The following TRPM3 variants were observed in gnomAD, a reference collection of about 807,000 sequenced individuals.
TRPM3 encodes transient receptor potential cation channel subfamily M member 3, also known as long transient receptor potential channel 3.
TRPM3 carries 77 observed loss-of-function variants against 181.2 expected under a neutral mutation model. That is an observed-to-expected ratio of 0.42 (90% confidence interval 0.35 to 0.51). The LOEUF (loss-of-function observed/expected upper bound fraction) is 0.51, where lower values mean the gene tolerates loss of function less well. Among genes scored for constraint, TRPM3 ranks in the 20% least tolerant of loss-of-function variants. TRPM3 has a pLI of 0.01. For synonymous variants in TRPM3, 745 were observed against 796.4 expected, an observed-to-expected ratio of 0.94 and a Z score of 1.09; for missense variants, 1,759 against 2,196.7, an observed-to-expected ratio of 0.80 and a Z score of 3.98.
intron 25 of TRPM3, among the ~76,000 whole-genome samples, chr9:70,538,430 CT>C (rs2042359871): frequency 1.3e-5 from 2 of 151,000 alleles, no homozygotes; most frequent in African/African-American, 4.9e-5. Flanking sequence ...CATGCCCTGC[CT>C]TTTGTTAGTT....
chr9:71,080,361 C>T (rs1180189421), intron 1 of TRPM3, among the ~76,000 whole-genome samples: 5 of 151,944 alleles, frequency 3.3e-5, no homozygotes, highest in Non-Finnish European at 7.4e-5. Context: ...GCTCCCCAAC[C>T]CCCAACCAAA....
chr9:70,815,603 C>T (rs1283822923), intron 6 of TRPM3, among the ~76,000 whole-genome samples: 1 of 152,098 alleles, frequency 6.6e-6, no homozygotes, highest in East Asian at 1.9e-4. Flanking sequence ...AGGTTGAGCA[C>T]TTGTATTTTC....
intron 17 of TRPM3, among the ~76,000 whole-genome samples, chr9:70,617,925 A>G (rs2063035801): frequency 6.6e-6 from 1 of 152,168 alleles, no homozygotes; most frequent in African/African-American, 2.4e-5. Flanking sequence ...AGATCACACC[A>G]CTGCACTCCA....
At chr9:71,402,561 CCAAA>C (rs3041746) in intron 1 of TRPM3, among the ~76,000 whole-genome samples, 25,909 of 151,992 alleles carry the variant, frequency 0.17, 2,308 homozygotes, top group African/African-American at 0.22. Context: ...CATCCCATTC[CCAAA>C]CACTTTCTTT....
rs191904565 is a variant in TRPM3 at position 70,970,970 on chromosome 9, C to T, written c.178-106459G>A. 5.3e-5 allele frequency among the ~76,000 whole-genome samples: 8 copies of T among 152,208 alleles called. No homozygotes were observed. In the South Asian group the frequency reaches 8.3e-4, roughly 16 times the overall value. On this transcript the variant is annotated intron_variant, in intron 1 of 25. Transcript: ENST00000677713. ...AAAATAGAAAATTTTTTGCCTAACT[C>T]GTCTGGCAACCAATCCAAGCCTAAA...
intron 3 of TRPM3, among the ~76,000 whole-genome samples, chr9:70,858,103 T>G (rs932107118): frequency 1.3e-5 from 2 of 152,182 alleles, no homozygotes; most frequent in African/African-American, 2.4e-5. Flanking sequence ...TGTCTCATAT[T>G]ATGTCCAGAC....
chr9:70,989,963 T>C (rs1000533496), intron 1 of TRPM3, among the ~76,000 whole-genome samples: 3 of 152,164 alleles, frequency 2.0e-5, no homozygotes, highest in African/African-American at 7.2e-5. Context: ...GGGCACCTTA[T>C]GTGTGTTAAT....
intron 9 of TRPM3, among the ~76,000 whole-genome samples, chr9:70,678,137 G>A (rs2064492352): frequency 6.6e-6 from 1 of 152,130 alleles, no homozygotes. Context: ...CACCGACCTT[G>A]TGGAGTGGTC....
intron 17 of TRPM3, among the ~76,000 whole-genome samples, 177 bp from the exon 18 acceptor site, chr9:70,616,252 A>G (rs2062761494): frequency 6.6e-6 from 1 of 152,020 alleles, no homozygotes; most frequent in Non-Finnish European, 1.5e-5. Flanking sequence ...TGAGTAACTA[A>G]CATATTAACA....
chr9:70,593,980 C>A (rs137969516), intron 21 of TRPM3, among the ~76,000 whole-genome samples: 3 of 147,286 alleles, frequency 2.0e-5, no homozygotes, highest in Non-Finnish European at 3.0e-5. Context: ...ATATACACTG[C>A]AGTGGTTAAA....
intron 21 of TRPM3, among the ~76,000 whole-genome samples, chr9:70,594,719 C>G (rs999187653): frequency 6.6e-6 from 1 of 152,152 alleles, no homozygotes; most frequent in Non-Finnish European, 1.5e-5. Context: ...AAAATAGACT[C>G]CTAATGATTG....
chr9:71,399,526 GTTT>G (rs1166936123), intron 1 of TRPM3, among the ~76,000 whole-genome samples: 3 of 62,722 alleles, frequency 4.8e-5, no homozygotes, highest in East Asian at 5.0e-4. Context: ...ATTTTCTTTT[GTTT>G]TTTTTTTTTT....
chr9:71,439,583 A>C (rs2131660989), intron 1 of TRPM3, among the ~76,000 whole-genome samples: 1 of 151,938 alleles, frequency 6.6e-6, no homozygotes, highest in East Asian at 1.9e-4. Flanking sequence ...GGCCAGCACT[A>C]CTCCCCTGCT....
chr9:71,143,268 C>T (rs555019196), intron 1 of TRPM3, among the ~76,000 whole-genome samples: 1 of 151,994 alleles, frequency 6.6e-6, no homozygotes, highest in African/African-American at 2.4e-5. Flanking sequence ...GTTTATTGTA[C>T]AGATTATTTC....
intron 1 of TRPM3, among the ~76,000 whole-genome samples, chr9:71,225,416 T>C (rs1258354105): frequency 6.6e-6 from 1 of 151,958 alleles, no homozygotes; most frequent in Non-Finnish European, 1.5e-5. Context: ...AATAAAGACT[T>C]TTCCAGACAA....
chr9:70,926,538 A>G (rs948586162), intron 1 of TRPM3, among the ~76,000 whole-genome samples: 1 of 152,194 alleles, frequency 6.6e-6, no homozygotes, highest in African/African-American at 2.4e-5. Context: ...ACTACTTTAG[A>G]TCTTAAAACA....
At chr9:70,621,101 G>GTA (rs370008022) in intron 15 of TRPM3, 143 bp downstream of exon 15, 138 of 207,434 alleles carry the variant, frequency 6.7e-4, no homozygotes, top group Middle Eastern at 4.5e-3. Flanking sequence ...TATATTTATA[G>GTA]TATATATATA....
intron 22 of TRPM3, among the ~76,000 whole-genome samples, chr9:70,572,114 TTG>T (rs58492210): frequency 2.4e-4 from 36 of 149,744 alleles, no homozygotes; most frequent in Non-Finnish European, 2.8e-4. Context: ...TCCCAGTTAC[TTG>T]TGTGTGTGTG....
chr9:70,758,055 T>C (rs1278855045), intron 8 of TRPM3, among the ~76,000 whole-genome samples: 2 of 152,202 alleles, frequency 1.3e-5, no homozygotes, highest in African/African-American at 2.4e-5. Context: ...TGTTTGTACA[T>C]GACATGATTG....
Sources: gnomAD v4.1 joint callset for allele counts (sites outside exome capture counted in the v4.1 genomes callset) on GRCh38, gnomAD v4.1.1 for gene constraint, MANE v1.5 for transcripts, NCBI Gene and HGNC (gene_info 2026-07-23, HGNC 2026-07-21) for gene names.